The following MCC variants were observed in gnomAD, a reference collection of about 807,000 sequenced individuals.
The protein encoded by MCC is colorectal mutant cancer protein.
Under a neutral mutation model 116.2 loss-of-function variants are expected in MCC, and 90 were observed. The observed-to-expected ratio is 0.77, with a 90% CI of 0.65 to 0.92. The LOEUF is 0.92. Among genes scored for constraint, MCC ranks in the 40% least tolerant of loss-of-function variants. MCC has a pLI of 0.00. For missense variants in MCC, 1,516 were observed against 1,312.2 expected (o/e 1.16, Z -2.40); for synonymous variants, 578 against 510.5 (o/e 1.13, Z -1.78).
chr5:113,111,022 TG>T (rs2150261479), intron 6 of MCC, among the ~76,000 whole-genome samples: 1 of 152,278 alleles, frequency 6.6e-6, no homozygotes, highest in South Asian at 2.1e-4. Context: ...TGGCTCCTCC[TG>T]CCCTTTTCCT....
At chr5:113,237,049 C>G (rs988483340) in intron 3 of MCC, among the ~76,000 whole-genome samples, 3 of 152,142 alleles carry the variant, frequency 2.0e-5, no homozygotes, top group African/African-American at 7.2e-5. Context: ...CACTGGAAGT[C>G]CTTGGGGAAT....
chr5:113,443,326 G>A (rs954897190), intron 1 of MCC, among the ~76,000 whole-genome samples: 11 of 151,994 alleles, frequency 7.2e-5, no homozygotes, highest in South Asian at 6.2e-4. Flanking sequence ...AGAAATGCTC[G>A]CGATTTTTGT....
At chr5:113,272,854 C>G (rs959884478) in intron 3 of MCC, among the ~76,000 whole-genome samples, 5 of 152,174 alleles carry the variant, frequency 3.3e-5, no homozygotes, top group African/African-American at 1.2e-4. Context: ...GTCCTTCAGT[C>G]ATTTAAATTT....
At chr5:113,378,247 C>G (rs555996878) in intron 2 of MCC, among the ~76,000 whole-genome samples, 1 of 152,260 alleles carries the variant, frequency 6.6e-6, no homozygotes, top group Non-Finnish European at 1.5e-5. Flanking sequence ...ACCACATATT[C>G]TTTCATCTAA....
chr5:113,084,741 C>T (rs1457686524), intron 9 of MCC, among the ~76,000 whole-genome samples: 1 of 152,196 alleles, frequency 6.6e-6, no homozygotes, highest in African/African-American at 2.4e-5. Context: ...GCCTGTCCAT[C>T]ATAATCTATT....
intron 3 of MCC, among the ~76,000 whole-genome samples, chr5:113,284,662 G>C (rs905641270): frequency 2.0e-5 from 3 of 152,184 alleles, no homozygotes; most frequent in Non-Finnish European, 4.4e-5. Flanking sequence ...GTTAGGACAA[G>C]ATATCGCTTA....
chr5:113,403,792 G>A (rs753208623), intron 1 of MCC, among the ~76,000 whole-genome samples: 6 of 152,146 alleles, frequency 3.9e-5, no homozygotes, highest in South Asian at 2.1e-4. Context: ...TTAGTGGAGC[G>A]GCTCAATGGT....
intron 1 of MCC, among the ~76,000 whole-genome samples, chr5:113,478,926 G>C (rs527969156): frequency 6.6e-6 from 1 of 152,104 alleles, no homozygotes; most frequent in South Asian, 2.1e-4. Flanking sequence ...TTACATAAGC[G>C]ATATGAATAT....
intron 1 of MCC, among the ~76,000 whole-genome samples, chr5:113,427,790 G>C (rs759946870): frequency 1.2e-4 from 18 of 152,126 alleles, no homozygotes; most frequent in Non-Finnish European, 2.2e-4. Context: ...GTTATTAAAT[G>C]AGTTCATTAA....
chr5:113,165,248 C>A (rs1032706377), intron 3 of MCC, among the ~76,000 whole-genome samples: 2 of 152,208 alleles, frequency 1.3e-5, no homozygotes, highest in Non-Finnish European at 2.9e-5. Context: ...CTGCTTCTCC[C>A]TCAAAAGCAG....
chr5:113,049,069 G>A (rs2150219860), intron 16 of MCC, 24 bp downstream of exon 16: 1 of 1,612,320 alleles, frequency 6.2e-7, no homozygotes, highest in Non-Finnish European at 8.5e-7. Context: ...GCCTAAGGGT[G>A]TCCCCAAGCC....
Position 113,064,178 on chromosome 5 carries a change from G to C in MCC, c.2030-11C>G, listed in dbSNP as rs994160608. ...CCCCCGACTGGTCTCCTATGTGGCAGAGAAGCCAACGGATTAATCAACATA... is the reference window on the plus strand; with the variant it reads ...CCCCCGACTGGTCTCCTATGTGGCACAGAAGCCAACGGATTAATCAACATA... On this transcript the variant is annotated splice_polypyrimidine_tract_variant and intron_variant, in intron 13 of 18. Transcript: ENST00000408903. 5 of 1,601,832 alleles carry C rather than the reference G, an allele frequency of 3.1e-6. No individual in the cohort carries two copies. The African/African-American group carries it at 6.7e-5, about 21-fold the overall frequency.
At chr5:113,299,076 C>T (rs954225197) in intron 3 of MCC, among the ~76,000 whole-genome samples, 2 of 151,802 alleles carry the variant, frequency 1.3e-5, no homozygotes, top group African/African-American at 2.4e-5. Flanking sequence ...ATCACGAGGT[C>T]ACCAGTTCGA....
At chr5:113,390,325 A>G (rs13180522) in intron 1 of MCC, among the ~76,000 whole-genome samples, 27,970 of 152,176 alleles carry the variant, frequency 0.18, 2,791 homozygotes, top group Non-Finnish European at 0.24. Context: ...TCATGCACAT[A>G]TATCTTATCT....
intron 1 of MCC, among the ~76,000 whole-genome samples, chr5:113,487,623 G>C (rs1306606558): frequency 6.6e-6 from 1 of 152,206 alleles, no homozygotes. Context: ...GGTAGGAGTC[G>C]GGTCTAGCCC....
At chr5:113,110,605 G>A (rs1757032184) in intron 6 of MCC, among the ~76,000 whole-genome samples, 1 of 152,160 alleles carries the variant, frequency 6.6e-6, no homozygotes. Context: ...AAAGCACAAG[G>A]TAAAGGGAAC....
In MCC at chr5:113,327,542, T is replaced by A. The variant is rs868626496; in HGVS notation, c.627+12977A>T. On this transcript the variant is annotated intron_variant, in intron 3 of 18. Transcript: ENST00000408903. ...GCCTGGGTGACAGAGTAAGACTCAG[T>A]CTCAAAAAAAAAAAAAAAAATATAT... Among the ~76,000 whole-genome samples, 3 of 42,738 alleles carry A rather than the reference T, an allele frequency of 7.0e-5. No homozygotes were observed. In the Admixed American group the frequency reaches 8.5e-4, roughly 12 times the overall value. The allele number at this position is 42,738 out of a possible 152,430, so 28.0% of individuals were successfully genotyped here.
chr5:113,415,929 G>A (rs1770131538), intron 1 of MCC, among the ~76,000 whole-genome samples: 1 of 152,172 alleles, frequency 6.6e-6, no homozygotes, highest in Non-Finnish European at 1.5e-5. Context: ...GGTCTTTGAT[G>A]TTGGTGACCT....
intron 2 of MCC, among the ~76,000 whole-genome samples, chr5:113,343,380 T>C (rs1768057528): frequency 6.6e-6 from 1 of 152,254 alleles, no homozygotes; most frequent in Non-Finnish European, 1.5e-5. Flanking sequence ...TTGATTGTAT[T>C]GCAAGGCAGG....
Sources: gnomAD v4.1 joint callset for allele counts (sites outside exome capture counted in the v4.1 genomes callset) on GRCh38, gnomAD v4.1.1 for gene constraint, MANE v1.5 for transcripts, NCBI Gene and HGNC (gene_info 2026-07-23, HGNC 2026-07-21) for gene names.